DLC1: variants seen among roughly 807,000 people sequenced by gnomAD.
The protein encoded by DLC1 is DLC1 Rho GTPase activating protein.
In DLC1, 54 loss-of-function variants were observed where a neutral mutation model predicts 140.3. The observed-to-expected ratio is 0.38, with a 90% CI of 0.31 to 0.48. The LOEUF (loss-of-function observed/expected upper bound fraction) is 0.48, where lower values mean the gene tolerates loss of function less well. Ranked by LOEUF, DLC1 falls within the 20% of genes least tolerant of loss-of-function variation. DLC1 has a pLI of 0.96. For synonymous variants in DLC1, 986 were observed against 728.1 expected, an observed-to-expected ratio of 1.35 and a Z score of -5.70; for missense variants, 2,536 against 1,907.0, an observed-to-expected ratio of 1.33 and a Z score of -6.14.
intron 4 of DLC1, among the ~76,000 whole-genome samples, chr8:13,345,171 T>A (rs1834270375): frequency 6.6e-6 from 1 of 152,138 alleles, no homozygotes; most frequent in African/African-American, 2.4e-5. Flanking sequence ...TGGAAGAAAT[T>A]CATATAGAAT....
At chr8:13,586,617 A>G (rs1805326637) in intron 1 of DLC1, among the ~76,000 whole-genome samples, 1 of 146,202 alleles carries the variant, frequency 6.8e-6, no homozygotes, top group African/African-American at 2.5e-5. Flanking sequence ...ACACACACAC[A>G]CACACACACC....
intron 5 of DLC1, among the ~76,000 whole-genome samples, chr8:13,125,382 G>A (rs1194602588): frequency 6.6e-6 from 1 of 152,218 alleles, no homozygotes; most frequent in African/African-American, 2.4e-5. Flanking sequence ...CGTGTCTATA[G>A]CCCTCTAAAT....
At chr8:13,121,016 A>G (rs929324662) in intron 5 of DLC1, among the ~76,000 whole-genome samples, 5 of 152,212 alleles carry the variant, frequency 3.3e-5, no homozygotes, top group Admixed American at 6.5e-5. Flanking sequence ...CACAGGGGGA[A>G]CTTTTGGATT....
intron 2 of DLC1, among the ~76,000 whole-genome samples, chr8:13,452,153 T>C (rs1433656655): frequency 6.6e-6 from 1 of 151,444 alleles, no homozygotes; most frequent in Non-Finnish European, 1.5e-5. Flanking sequence ...AGTTATCTAA[T>C]GAAAAATATT....
chr8:13,097,265 T>TTATTATTAC (rs1432365866), intron 10 of DLC1, among the ~76,000 whole-genome samples: 1 of 150,446 alleles, frequency 6.6e-6, no homozygotes, highest in East Asian at 2.0e-4. Context: ...ATTATTATTA[T>TTATTATTAC]TATTATTATT....
intron 2 of DLC1, among the ~76,000 whole-genome samples, chr8:13,412,495 ATAACT>A (rs1837823523): frequency 1.3e-5 from 2 of 152,160 alleles, no homozygotes; most frequent in Admixed American, 1.3e-4. Context: ...AGAACTGGAA[ATAACT>A]TACTATCAAT....
chr8:13,343,335 T>G lies in DLC1; in HGVS notation c.1315-38033A>C, dbSNP rs888989798. Among the ~76,000 whole-genome samples the G allele has an allele frequency of 5.9e-5, 9 of 152,178 alleles. No homozygotes were observed. The East Asian group carries it at 1.7e-3, about 29-fold the overall frequency. ...ATAGTCCTGAGACAGGAACAGCATG[T>G]ACAGGGGCTGTCATTCTGCATAACT... On this transcript the variant is annotated intron_variant, in intron 4 of 17. Transcript: ENST00000276297.
chr8:13,317,795 A>T (rs908190486), intron 4 of DLC1, among the ~76,000 whole-genome samples: 1 of 152,118 alleles, frequency 6.6e-6, no homozygotes, highest in South Asian at 2.1e-4. Flanking sequence ...TGGAAAGAGG[A>T]TTGAGAAAGC....
chr8:13,337,734 A>G (rs1833865633), intron 4 of DLC1, among the ~76,000 whole-genome samples: 1 of 152,224 alleles, frequency 6.6e-6, no homozygotes. Context: ...GTTTTGGTAC[A>G]ATAAAGCTGG....
At chr8:13,239,470 C>A (rs1211782521) in intron 5 of DLC1, among the ~76,000 whole-genome samples, 1 of 152,116 alleles carries the variant, frequency 6.6e-6, no homozygotes, top group Non-Finnish European at 1.5e-5. Flanking sequence ...ATCCTTTAGA[C>A]TGATCACAGG....
intron 4 of DLC1, among the ~76,000 whole-genome samples, chr8:13,323,298 C>T (rs755475885): frequency 6.6e-6 from 1 of 152,168 alleles, no homozygotes; most frequent in Non-Finnish European, 1.5e-5. Context: ...ATCTGTAAAA[C>T]TATGACTCAA....
At chr8:13,586,589 G>GCACACACACACACACACA (rs3066494) in intron 1 of DLC1, among the ~76,000 whole-genome samples, 2 of 142,950 alleles carry the variant, frequency 1.4e-5, no homozygotes, top group Non-Finnish European at 3.0e-5. Context: ...AGATGCACAT[G>GCACACACACACACACACA]CACACACACA....
At chr8:13,493,736 T>C (rs1280331670) in intron 2 of DLC1, among the ~76,000 whole-genome samples, 1 of 152,176 alleles carries the variant, frequency 6.6e-6, no homozygotes, top group Non-Finnish European at 1.5e-5. Context: ...TTTTATATTG[T>C]CCCAGTCAGC....
intron 8 of DLC1, among the ~76,000 whole-genome samples, chr8:13,101,073 T>C (rs983459094): frequency 3.9e-5 from 6 of 152,108 alleles, no homozygotes; most frequent in Non-Finnish European, 7.3e-5. Flanking sequence ...ATATTCTTTT[T>C]CTTTTTTAAA....
At chr8:13,244,751 G>A (rs1378697927) in intron 5 of DLC1, among the ~76,000 whole-genome samples, 3 of 151,956 alleles carry the variant, frequency 2.0e-5, no homozygotes, top group Non-Finnish European at 4.4e-5. Context: ...TCCTGGCCAA[G>A]ATAAACATGC....
chr8:13,100,917 T>C (rs1819027916), intron 8 of DLC1, 147 bp from the exon 9 acceptor site: 1 of 831,222 alleles, frequency 1.2e-6, no homozygotes, highest in Non-Finnish European at 1.7e-6. Context: ...TTTTTTTTTT[T>C]TTTTTTAAAA....
chr8:13,562,965 C>T (rs1804294830), intron 1 of DLC1, among the ~76,000 whole-genome samples: 1 of 150,596 alleles, frequency 6.6e-6, no homozygotes, highest in Non-Finnish European at 1.5e-5. Context: ...GTTTTTATAA[C>T]AAGAGAGGAA....
intron 1 of DLC1, among the ~76,000 whole-genome samples, chr8:13,529,231 G>A (rs1256247787): frequency 3.3e-5 from 5 of 152,144 alleles, no homozygotes; most frequent in Non-Finnish European, 5.9e-5. Context: ...ATTAAATACA[G>A]CAGATGTTTT....
rs2046182 is a variant in DLC1, at chr8:13,552,166, T to A, written c.-125-51970A>T. Among the ~76,000 whole-genome samples the A allele has an allele frequency of 6.8e-5, 7 of 103,238 alleles. No individual in the cohort carries two copies. The East Asian group carries it at 1.2e-3, about 17-fold the overall frequency. 67.7% of individuals were successfully genotyped at this position (103,238 alleles called of 152,430 possible). A position where few individuals can be genotyped will look rare whatever the true frequency, so the allele number is the denominator to read the frequency against. On this transcript the variant is annotated intron_variant, in intron 1 of 1. Coordinates refer to the DLC1 transcript ENST00000631382. ...ATCTGTCTAGAGGTACATATATATATCTGTCTAGAGGTGTATATATATACC... is the reference window on the plus strand; with the variant it reads ...ATCTGTCTAGAGGTACATATATATAACTGTCTAGAGGTGTATATATATACC...
Sources: gnomAD v4.1 joint callset for allele counts (sites outside exome capture counted in the v4.1 genomes callset) on GRCh38, gnomAD v4.1.1 for gene constraint, MANE v1.5 for transcripts, NCBI Gene and HGNC (gene_info 2026-07-23, HGNC 2026-07-21) for gene names.